The following ZZEF1 variants were observed in gnomAD, a reference collection of about 807,000 sequenced individuals.
ZZEF1 encodes zinc finger ZZ-type and EF-hand domain-containing protein 1.
ZZEF1 carries 157 observed loss-of-function variants against 342.8 expected under a neutral mutation model. The ratio of observed to expected loss-of-function variants is 0.46; its 90% confidence interval spans 0.40 to 0.52. The LOEUF (loss-of-function observed/expected upper bound fraction) is 0.52. ZZEF1 is among the 20% of genes least tolerant of loss of function. The pLI, the probability that ZZEF1 is intolerant of heterozygous loss-of-function variation, is 0.00. For synonymous variants in ZZEF1, 1,505 were observed against 1,429.1 expected, an observed-to-expected ratio of 1.05 and a Z score of -1.20; for missense variants, 3,480 against 3,725.6, an observed-to-expected ratio of 0.93 and a Z score of 1.72.
At chr17:4,138,011 G>T (rs1015112406) in intron 1 of ZZEF1, among the ~76,000 whole-genome samples, 1 of 152,102 alleles carries the variant, frequency 6.6e-6, no homozygotes, top group Non-Finnish European at 1.5e-5. Context: ...GATAAATTAG[G>T]TAAGGGAGTT....
In ZZEF1 at chr17:4,017,763, A is replaced by G. The variant is rs199583833; in HGVS notation, c.7642-33T>C. ...CCCAAGACCACCATTACAGAGGTCT[A>G]GCCTTCTTACAGTGGTGGTATGGGG... On this transcript the variant is annotated intron_variant, in intron 47 of 54. Coordinates refer to ENST00000381638, the MANE Select transcript of ZZEF1 (RefSeq NM_015113.4). The surrounding 1 kb of genome is among the most constrained non-coding windows in gnomAD (Gnocchi z 5.1). The G allele has an allele frequency of 1.5e-4, 242 of 1,613,026 alleles. No homozygotes were observed. Among genetic ancestry groups the G allele is most frequent in the Non-Finnish European group, 4.7e-5 (56 of 1,179,608 alleles).
At position 4,014,255 on chromosome 17, in the gene ZZEF1, G is replaced by A. The variant is rs988176636; in HGVS notation, c.8315-67C>T. ...ACAGGGAATGGCAGCAGTGGTGTTG[G>A]GTTTCAACATTCTCCAGTAAGTTCC... On this transcript the variant is annotated intron_variant, in intron 50 of 54. Transcript: ENST00000381638. This position sits in a 1 kb window ranked among gnomAD's most constrained non-coding sequence, Gnocchi z 4.4. 1.9e-6 allele frequency: 3 copies of A among 1,609,194 alleles called. No individual in the cohort carries two copies. The highest frequency in any genetic ancestry group is 1.3e-5 in the African/African-American group (1 of 74,810).
chr17:4,124,049 GGCCTACAA>G lies in ZZEF1; in HGVS notation c.355-6_356del. 1 of 1,609,940 alleles carries G rather than the reference GGCCTACAA, an allele frequency of 6.2e-7. No homozygotes were observed. The highest frequency in any genetic ancestry group is 1.3e-5 in the African/African-American group (1 of 74,814). On this transcript the variant is annotated splice_acceptor_variant and splice_polypyrimidine_tract_variant and coding_sequence_variant and intron_variant, in exon 2 of 55. Coordinates refer to ENST00000381638, the MANE Select transcript of ZZEF1 (RefSeq NM_015113.4). LOFTEE classifies it high-confidence loss of function. ...CACCCTCAGCATCAAACTGGGCAAAGGCCTACAAGATAAGAGATGCAAGAAAATCAGGG... is the reference window on the plus strand; with the variant it reads ...CACCCTCAGCATCAAACTGGGCAAAGGATAAGAGATGCAAGAAAATCAGGG...
At chr17:4,010,501 A>C (rs1216436477) in intron 52 of ZZEF1, among the ~76,000 whole-genome samples, 1 of 151,998 alleles carries the variant, frequency 6.6e-6, no homozygotes, top group Non-Finnish European at 1.5e-5. Flanking sequence ...CAGGCGGATC[A>C]CGAGGTCAGG....
At chr17:4,100,520 A>C (rs949856960) in intron 9 of ZZEF1, among the ~76,000 whole-genome samples, 1 of 152,230 alleles carries the variant, frequency 6.6e-6, no homozygotes, top group Admixed American at 6.5e-5. Flanking sequence ...CAAAATATTC[A>C]AATCAGACCA....
At chr17:4,047,776 C>A (rs2056954479) in intron 37 of ZZEF1, among the ~76,000 whole-genome samples, 1 of 150,784 alleles carries the variant, frequency 6.6e-6, no homozygotes, top group South Asian at 2.1e-4. Context: ...CCCGTCTCTA[C>A]TAAAAATACA....
chr17:4,075,734 T>G (rs559479263), intron 21 of ZZEF1, among the ~76,000 whole-genome samples: 8 of 151,134 alleles, frequency 5.3e-5, no homozygotes, highest in Admixed American at 2.0e-4. Flanking sequence ...GAAAAAGTAC[T>G]GAATGAGGAG....
Position 4,109,721 on chromosome 17 carries a change from C to A in ZZEF1, c.1209G>T (p.Leu403=). The A allele has an allele frequency of 2.5e-6, 4 of 1,614,152 alleles. No homozygotes were observed. The highest frequency in any genetic ancestry group is 3.4e-6 in the Non-Finnish European group (4 of 1,180,026). Residue 403 remains leucine (L), a synonymous_variant, in exon 6 of 55, where the codon CTG becomes CTT. Transcript: ENST00000381638. The part of the protein sequence containing the change: ...DASAIWYWSL[L]TSLVTASMET... ...CCATAGAAGCCGTCACCAGAGATGT[C>A]AGCAGAGACCAATACCATATTGCAG... is the stretch of plus-strand genomic sequence containing the variant.
At chr17:4,032,622 A>C (rs1266418958) in intron 41 of ZZEF1, among the ~76,000 whole-genome samples, 1 of 152,268 alleles carries the variant, frequency 6.6e-6, no homozygotes, top group Non-Finnish European at 1.5e-5. Flanking sequence ...TAAATGAATC[A>C]AATGTTTAAC....
intron 30 of ZZEF1, among the ~76,000 whole-genome samples, chr17:4,060,170 T>C (rs1394127399): frequency 1.3e-5 from 2 of 152,232 alleles, no homozygotes; most frequent in African/African-American, 4.8e-5. Context: ...ACAAGCAAGC[T>C]GACTAGTATG....
intron 26 of ZZEF1, among the ~76,000 whole-genome samples, chr17:4,070,054 C>T (rs756695899): frequency 2.0e-5 from 3 of 152,002 alleles, no homozygotes; most frequent in Non-Finnish European, 4.4e-5. Flanking sequence ...TCCTGCTAGG[C>T]GGCAGGGAAG....
At chr17:4,033,819 T>G (rs1205155642) in intron 40 of ZZEF1, 196 bp downstream of exon 40, 9 of 668,842 alleles carry the variant, frequency 1.3e-5, no homozygotes, top group Non-Finnish European at 2.3e-5. Flanking sequence ...CTCAGCTGTT[T>G]TAACGTTGGT....
At chr17:4,076,428 C>T (rs2057622272) in intron 21 of ZZEF1, 10 of 499,778 alleles carry the variant, frequency 2.0e-5, no homozygotes, top group Non-Finnish European at 3.0e-5. Flanking sequence ...CCACTGCGCC[C>T]GGCCTCTGCG....
In ZZEF1 at chr17:4,074,345, T is replaced by C; in HGVS notation, c.3490A>G (p.Thr1164Ala). 1.9e-6 allele frequency: 3 copies of C among 1,614,070 alleles called. No individual in the cohort carries two copies. Among genetic ancestry groups the C allele is most frequent in the Non-Finnish European group, 2.5e-6 (3 of 1,180,030 alleles). Residue 1164 changes from threonine to alanine, a missense_variant, in exon 24 of 55, where the codon ACC becomes GCC. Transcript: ENST00000381638. ...VGTDKWPKKV[T>A]FKAGPRLQFL... ...TGCAACCGAGGACCGGCCTTGAAGG[T>C]CACTTTCTAGAGACAAACAGAAATC...
chr17:4,085,144 A>T (rs2057795408), intron 16 of ZZEF1, among the ~76,000 whole-genome samples: 2 of 152,178 alleles, frequency 1.3e-5, no homozygotes, highest in South Asian at 4.1e-4. Context: ...TGGTGGTATT[A>T]GTTTTACAGA....
chr17:4,106,106 C>G (rs542537666), intron 6 of ZZEF1, among the ~76,000 whole-genome samples: 2 of 152,132 alleles, frequency 1.3e-5, no homozygotes, highest in Admixed American at 6.5e-5. Flanking sequence ...CCCGCCACCA[C>G]GCTTGACTAA....
chr17:4,035,535 G>A (rs2056641418), intron 39 of ZZEF1, among the ~76,000 whole-genome samples: 1 of 152,158 alleles, frequency 6.6e-6, no homozygotes, highest in Admixed American at 6.5e-5. Context: ...AGGTGGCTGA[G>A]GAAGTCACCC....
At chr17:4,128,515 A>G (rs1341617115) in intron 1 of ZZEF1, among the ~76,000 whole-genome samples, 1 of 149,064 alleles carries the variant, frequency 6.7e-6, no homozygotes, top group African/African-American at 2.5e-5. Flanking sequence ...GCTGGAGTGC[A>G]GTTGCGTGAT....
At chr17:4,038,991 A>C (rs958824665) in intron 39 of ZZEF1, among the ~76,000 whole-genome samples, 2 of 152,166 alleles carry the variant, frequency 1.3e-5, no homozygotes, top group African/African-American at 4.8e-5. Flanking sequence ...CTATCTAGGC[A>C]GTTTTTACAC....
Sources: gnomAD v4.1 joint callset for allele counts (sites outside exome capture counted in the v4.1 genomes callset) on GRCh38, gnomAD v4.1.1 for gene constraint, Gnocchi (gnomAD v3.1) non-coding constraint, MANE v1.5 for transcripts, NCBI Gene and HGNC (gene_info 2026-07-23, HGNC 2026-07-21) for gene names.